The following NCKAP5 variants were observed in gnomAD, a reference collection of about 807,000 sequenced individuals.
NCKAP5 encodes nck-associated protein 5.
Under a neutral mutation model 167.0 loss-of-function variants are expected in NCKAP5, and 92 were observed. That is an observed-to-expected ratio of 0.55 (90% CI 0.47 to 0.66). The LOEUF is 0.66. Among genes scored for constraint, NCKAP5 ranks in the 30% least tolerant of loss-of-function variants. NCKAP5 has a pLI of 0.00. For synonymous variants in NCKAP5, 891 were observed against 877.4 expected (o/e 1.02, Z -0.27); for missense variants, 2,378 against 2,315.0 (o/e 1.03, Z -0.56).
intron 8 of NCKAP5, among the ~76,000 whole-genome samples, chr2:132,914,989 C>CAAA (rs1694749178): frequency 8.4e-6 from 1 of 118,366 alleles, no homozygotes; most frequent in African/African-American, 4.9e-5. Flanking sequence ...AAAGCTATGG[C>CAAA]CAAAAAAAAA....
intron 12 of NCKAP5, among the ~76,000 whole-genome samples, chr2:132,796,382 A>G (rs1490270406): frequency 6.6e-6 from 1 of 152,214 alleles, no homozygotes; most frequent in Non-Finnish European, 1.5e-5. Context: ...TGTAATCAAT[A>G]TCCAAAAAAG....
At chr2:132,940,815 G>A (rs149049735) in intron 8 of NCKAP5, among the ~76,000 whole-genome samples, 5 of 151,390 alleles carry the variant, frequency 3.3e-5, no homozygotes, top group African/African-American at 1.2e-4. Context: ...TTAACATTTT[G>A]CCATGGAAGA....
At chr2:132,877,398 T>C (rs1691365470) in intron 9 of NCKAP5, among the ~76,000 whole-genome samples, 1 of 152,168 alleles carries the variant, frequency 6.6e-6, no homozygotes, top group Admixed American at 6.5e-5. Flanking sequence ...CAACCACATA[T>C]AAGTAACCAA....
intron 16 of NCKAP5, among the ~76,000 whole-genome samples, chr2:132,768,169 A>T (rs1350049261): frequency 6.6e-6 from 1 of 152,218 alleles, no homozygotes; most frequent in African/African-American, 2.4e-5. Flanking sequence ...CTTTCACTTC[A>T]TGAACACCTA....
chr2:133,440,197 G>A (rs1371080831), intron 3 of NCKAP5, among the ~76,000 whole-genome samples: 4 of 152,176 alleles, frequency 2.6e-5, no homozygotes, highest in Non-Finnish European at 5.9e-5. Context: ...TGTTTGGGAG[G>A]TGATACAAGT....
At chr2:132,911,163 A>C (rs1558931809) in intron 8 of NCKAP5, 1 of 211,798 alleles carries the variant, frequency 4.7e-6, no homozygotes, top group Admixed American at 4.3e-5. Flanking sequence ...CCACTCAGCC[A>C]AGTAACTGCA....
chr2:133,464,933 T>C (rs2151249416), intron 3 of NCKAP5, among the ~76,000 whole-genome samples: 1 of 151,852 alleles, frequency 6.6e-6, no homozygotes, highest in Middle Eastern at 3.4e-3. Flanking sequence ...TTGGGGCCAA[T>C]TATAGACTAA....
intron 2 of NCKAP5, among the ~76,000 whole-genome samples, chr2:133,549,810 TG>T: frequency 6.6e-6 from 1 of 150,498 alleles, no homozygotes; most frequent in East Asian, 2.0e-4. Flanking sequence ...ATCCAGGAGC[TG>T]GTTTTTTGAA....
At chr2:133,537,066 C>T (rs1452404619) in intron 2 of NCKAP5, among the ~76,000 whole-genome samples, 1 of 151,980 alleles carries the variant, frequency 6.6e-6, no homozygotes, top group Non-Finnish European at 1.5e-5. Context: ...TTCTTTTTCT[C>T]ACAGAACTGT....
chr2:132,850,194 C>A (rs896959187), intron 11 of NCKAP5, among the ~76,000 whole-genome samples: 2 of 152,098 alleles, frequency 1.3e-5, no homozygotes, highest in African/African-American at 2.4e-5. Context: ...ATCTATTATG[C>A]CCACAACAGT....
chr2:132,825,259 T>C (rs1019782653), intron 11 of NCKAP5, among the ~76,000 whole-genome samples: 2 of 152,200 alleles, frequency 1.3e-5, no homozygotes, highest in African/African-American at 2.4e-5. Context: ...ACATAGCATG[T>C]TCAAGGTAAG....
At chr2:133,647,361 AAGG>A in the NCKAP5 span, among the ~76,000 whole-genome samples, 510 of 101,732 alleles carry the variant, frequency 5.0e-3, 36 homozygotes, top group African/African-American at 0.028. Context: ...GAAAGAAAGG[AAGG>A]AAGGAAGAAA....
Position 133,276,710 on chromosome 2 carries a change from A to G in NCKAP5, c.143+26327T>C, listed in dbSNP as rs150334259. ...TTTTTATAAAGCAAATATAGCATTG[A>G]TAATTTAACCTGCAAAAGTCAGTTT... is the stretch of plus-strand genomic sequence containing the variant. On this transcript the variant is annotated intron_variant, in intron 4 of 19. Coordinates refer to ENST00000409261, the MANE Select transcript of NCKAP5 (RefSeq NM_207363.3). Among the ~76,000 whole-genome samples the G allele has an allele frequency of 9.6e-3, 1,455 of 152,264 alleles. 24 individuals carry two copies. The highest frequency in any genetic ancestry group is 0.033 in the African/African-American group (1,383 of 41,558).
At chr2:133,380,678 T>C (rs1468326322) in intron 3 of NCKAP5, among the ~76,000 whole-genome samples, 3 of 152,210 alleles carry the variant, frequency 2.0e-5, no homozygotes, top group African/African-American at 7.2e-5. Context: ...ATTCTATCTG[T>C]GCTGCCAGGC....
At chr2:132,988,323 G>A (rs778805242) in intron 7 of NCKAP5, among the ~76,000 whole-genome samples, 27 of 151,962 alleles carry the variant, frequency 1.8e-4, no homozygotes, top group Non-Finnish European at 2.9e-4. Context: ...TTAACCAAGC[G>A]TGGTGGCACA....
intron 7 of NCKAP5, among the ~76,000 whole-genome samples, chr2:132,980,620 A>G (rs1321862382): frequency 1.3e-5 from 2 of 152,122 alleles, no homozygotes; most frequent in African/African-American, 4.8e-5. Context: ...AGAGAGATGA[A>G]CTTGCACTTT....
At chr2:133,314,672 A>G (rs1439836115) in intron 3 of NCKAP5, among the ~76,000 whole-genome samples, 1 of 152,226 alleles carries the variant, frequency 6.6e-6, no homozygotes, top group East Asian at 1.9e-4. Flanking sequence ...GGTCTGGGCA[A>G]TACAGCCATG....
At chr2:133,086,287 T>C (rs547853797) in intron 6 of NCKAP5, among the ~76,000 whole-genome samples, 1 of 152,290 alleles carries the variant, frequency 6.6e-6, no homozygotes, top group South Asian at 2.1e-4. Flanking sequence ...CAAACAGCTA[T>C]TTTTATCTGA....
chr2:132,864,728 G>A (rs556464761), intron 10 of NCKAP5, among the ~76,000 whole-genome samples: 21 of 152,290 alleles, frequency 1.4e-4, no homozygotes, highest in African/African-American at 4.6e-4. Flanking sequence ...TAACATGATC[G>A]CTGGTGTGTC....
Sources: allele counts gnomAD v4.1 joint callset (sites outside exome capture counted in the v4.1 genomes callset), GRCh38; gene constraint gnomAD v4.1.1; transcripts MANE v1.5; gene names NCBI Gene and HGNC (gene_info 2026-07-23, HGNC 2026-07-21).